Variants in GOLM1 observed in about 807,000 individuals in gnomAD.
GOLM1 encodes the protein epididymis luminal protein 46.
A neutral mutation model predicts 50.5 loss-of-function variants in GOLM1; 31 were observed. The ratio of observed to expected loss-of-function variants is 0.61; its 90% confidence interval spans 0.46 to 0.83. GOLM1 has a LOEUF of 0.83. Ranked by LOEUF, GOLM1 falls within the 40% of genes least tolerant of loss-of-function variation. The pLI, the probability that GOLM1 is intolerant of heterozygous loss-of-function variation, is 0.00. For missense variants in GOLM1, 491 were observed against 501.3 expected, an observed-to-expected ratio of 0.98 and a Z score of 0.20; for synonymous variants, 178 against 192.8, an observed-to-expected ratio of 0.92 and a Z score of 0.64.
In GOLM1 at chr9:86,030,955, G is replaced by A. The variant is rs369313451; in HGVS notation, c.1129+2327C>T. Among the ~76,000 whole-genome samples the A allele has an allele frequency of 1.1e-4, 16 of 152,244 alleles. No homozygotes were observed. The South Asian group carries it at 1.7e-3, about 16-fold the overall frequency. ...TTGTTAGCCAGACGTGGTGGCTTAC[G>A]CCACCCAGCACTTTGGGAGGCCAAG... On this transcript the variant is annotated intron_variant, in intron 9 of 9. Transcript: ENST00000388712.
chr9:86,046,371 G>A (rs1372601783), intron 5 of GOLM1, 99 bp downstream of exon 5: 2 of 739,910 alleles, frequency 2.7e-6, no homozygotes, highest in Non-Finnish European at 2.4e-6. Flanking sequence ...GCACGGAGCA[G>A]AAGGTGCATG....
In GOLM1 at chr9:86,036,436, C is replaced by T. The variant is rs368972422; in HGVS notation, c.669G>A (p.Gly223=). 3.1e-6 allele frequency: 5 copies of T among 1,614,056 alleles called. No homozygotes were observed. The African/African-American group carries it at 5.3e-5, about 17-fold the overall frequency. The change falls in exon 7 of 10, where the codon GGG becomes GGA. Residue 223 remains glycine, a synonymous_variant. Coordinates refer to ENST00000388712, the MANE Select transcript of GOLM1 (RefSeq NM_016548.4). ...TGCTGTTACCAAGCACGTTTCCCTT[C>T]CCTTGTGGCACCTCTGTGTGTGGCA... ...AGLPHTEVPQ[G]KGNVLGNSKS... is the part of the protein sequence containing the mutation.
At chr9:86,052,666 A>G (rs1458122505) in intron 3 of GOLM1, 75 bp from the exon 4 acceptor site, 4 of 1,266,836 alleles carry the variant, frequency 3.2e-6, no homozygotes, top group Non-Finnish European at 3.5e-6. Flanking sequence ...ATACAAACCA[A>G]TGATGGGGCC....
chr9:86,062,499 G>A (rs1834190535), intron 3 of GOLM1, among the ~76,000 whole-genome samples: 1 of 151,422 alleles, frequency 6.6e-6, no homozygotes, highest in African/African-American at 2.4e-5. Context: ...GAGGGAGGAA[G>A]AGGAGGAGGG....
chr9:86,037,444 A>AC, intron 6 of GOLM1, among the ~76,000 whole-genome samples: 1 of 151,868 alleles, frequency 6.6e-6, no homozygotes, highest in Admixed American at 6.6e-5. Context: ...CTCTCAAAAA[A>AC]AAAAAAAAAA....
rs1834638001 is a variant in GOLM1 at position 86,077,037 on chromosome 9, G to A, written c.309+375C>T. Among the ~76,000 whole-genome samples, 5 of 152,000 alleles carry A rather than the reference G, an allele frequency of 3.3e-5. No individual in the cohort carries two copies. In the South Asian group the frequency reaches 1.0e-3, roughly 32 times the overall value. ...CTCTCCTCCATTAGATACTTGGAGG[G>A]CACAAATATTATTTTTCTCTGAGAT... On this transcript the variant is annotated intron_variant, in intron 3 of 9. Coordinates refer to ENST00000388712, the MANE Select transcript of GOLM1 (RefSeq NM_016548.4).
intron 3 of GOLM1, among the ~76,000 whole-genome samples, chr9:86,059,286 A>G (rs1834083691): frequency 6.6e-6 from 1 of 152,240 alleles, no homozygotes; most frequent in South Asian, 2.1e-4. Context: ...AAAAGTGGTA[A>G]CAATCCAAAT....
intron 3 of GOLM1, among the ~76,000 whole-genome samples, chr9:86,054,724 G>C (rs780816026): frequency 8.5e-5 from 13 of 152,124 alleles, no homozygotes; most frequent in Non-Finnish European, 1.9e-4. Flanking sequence ...ACCCAAGCAG[G>C]ACACCAACGT....
At chr9:86,077,647 C>A in intron 2 of GOLM1, 56 bp from the exon 3 acceptor site, 1 of 1,301,384 alleles carries the variant, frequency 7.7e-7, no homozygotes, top group Non-Finnish European at 1.1e-6. Context: ...GAGCCTGGAC[C>A]ACCTGAGCGC....
At chr9:86,029,232 A>G (rs1033311243) in intron 9 of GOLM1, among the ~76,000 whole-genome samples, 15 of 152,332 alleles carry the variant, frequency 9.8e-5, no homozygotes, top group South Asian at 4.1e-4. Flanking sequence ...GCACCTAAAG[A>G]TTCCATACTT....
chr9:86,039,733 C>T (rs1269890402), intron 6 of GOLM1, among the ~76,000 whole-genome samples: 4 of 152,006 alleles, frequency 2.6e-5, no homozygotes, highest in Non-Finnish European at 5.9e-5. Flanking sequence ...TTTGGGAGGC[C>T]GAGGTGGGTG....
chr9:86,063,228 C>T (rs1039599497), intron 3 of GOLM1, among the ~76,000 whole-genome samples: 5 of 152,352 alleles, frequency 3.3e-5, no homozygotes, highest in African/African-American at 7.2e-5. Context: ...TCTGGATATT[C>T]GTTCCCTGGC....
chr9:86,080,637 A>G (rs1346434888), intron 1 of GOLM1, among the ~76,000 whole-genome samples: 3 of 152,112 alleles, frequency 2.0e-5, no homozygotes, highest in Non-Finnish European at 4.4e-5. Context: ...CTTAACAGCT[A>G]GCTACTAGTA....
intron 3 of GOLM1, among the ~76,000 whole-genome samples, chr9:86,059,944 A>T (rs954128985): frequency 6.6e-6 from 1 of 150,538 alleles, no homozygotes; most frequent in Non-Finnish European, 1.5e-5. Context: ...CAGTGGTTAT[A>T]GTTGCATGGC....
chr9:86,082,752 T>G (rs1201853499), intron 1 of GOLM1, among the ~76,000 whole-genome samples: 1 of 152,214 alleles, frequency 6.6e-6, no homozygotes, highest in Non-Finnish European at 1.5e-5. Context: ...CAGCCCTGCA[T>G]TTCTAATTCA....
intron 1 of GOLM1, among the ~76,000 whole-genome samples, chr9:86,081,949 T>C (rs1304661240): frequency 4.0e-5 from 6 of 149,688 alleles, no homozygotes; most frequent in Non-Finnish European, 7.4e-5. Context: ...AGGAAAGGGA[T>C]AACATTTTCT....
At chr9:86,082,311 C>A (rs1834809397) in intron 1 of GOLM1, among the ~76,000 whole-genome samples, 1 of 151,962 alleles carries the variant, frequency 6.6e-6, no homozygotes. Context: ...CAGGCATGAG[C>A]CACCGTGCCC....
At chr9:86,082,604 C>G (rs111425685) in intron 1 of GOLM1, among the ~76,000 whole-genome samples, 388 of 152,062 alleles carry the variant, frequency 2.6e-3, no homozygotes, top group Non-Finnish European at 2.2e-3. Flanking sequence ...CCACGCCCAG[C>G]TAATTTTTTC....
At chr9:86,045,210 G>A (rs1257600509) in intron 5 of GOLM1, among the ~76,000 whole-genome samples, 1 of 151,576 alleles carries the variant, frequency 6.6e-6, no homozygotes. Context: ...GAAACCCCGG[G>A]CGTGGTGGTG....
Sources: gnomAD v4.1 joint callset for allele counts (sites outside exome capture counted in the v4.1 genomes callset) on GRCh38, gnomAD v4.1.1 for gene constraint, MANE v1.5 for transcripts, NCBI Gene and HGNC (gene_info 2026-07-23, HGNC 2026-07-21) for gene names.